The following ABTB2 variants were observed in gnomAD, a reference collection of about 807,000 sequenced individuals.
ABTB2 encodes ankyrin repeat and BTB/POZ domain-containing protein 2.
A neutral mutation model predicts 104.1 loss-of-function variants in ABTB2; 56 were observed. The observed-to-expected ratio is 0.54, with a 90% CI of 0.43 to 0.67. ABTB2 has a LOEUF of 0.67. ABTB2 is among the 30% of genes least tolerant of loss of function. The pLI is 0.00. For missense variants in ABTB2, 1,279 were observed against 1,407.7 expected, an observed-to-expected ratio of 0.91 and a Z score of 1.46; for synonymous variants, 606 against 608.2, an observed-to-expected ratio of 1.00 and a Z score of 0.05.
In ABTB2 at chr11:34,296,497, GA is replaced by G. The variant is rs548726721; in HGVS notation, c.883+60203del. Among the ~76,000 whole-genome samples the G allele has an allele frequency of 1.5e-3, 231 of 152,344 alleles. 1 individual carries two copies. The East Asian group carries it at 0.024, about 16-fold the overall frequency. On this transcript the variant is annotated intron_variant, in intron 1 of 16. Coordinates refer to ENST00000435224, the MANE Select transcript of ABTB2 (RefSeq NM_145804.3). Reference sequence around the variant, plus strand: ...GTCATAAGGCCCAAGGTATAACCCTGAGGGCAGGTAGCTGAAGTCAGATAAA... The same window carrying G: ...GTCATAAGGCCCAAGGTATAACCCTGGGGCAGGTAGCTGAAGTCAGATAAA...
chr11:34,336,029 A>G, intron 1 of ABTB2: 1 of 450,578 alleles, frequency 2.2e-6, no homozygotes, highest in East Asian at 3.8e-5. Context: ...AGTTCACTAA[A>G]TAGCTTTCCT....
intron 3 of ABTB2, among the ~76,000 whole-genome samples, chr11:34,194,276 A>G (rs977849514): frequency 1.3e-5 from 2 of 152,170 alleles, no homozygotes; most frequent in Admixed American, 6.5e-5. Context: ...AGAGCCACCA[A>G]TCCCCAAACA....
At chr11:34,207,598 T>C (rs1230530000) in intron 1 of ABTB2, among the ~76,000 whole-genome samples, 1 of 152,238 alleles carries the variant, frequency 6.6e-6, no homozygotes, top group East Asian at 1.9e-4. Context: ...AGGCTTACTA[T>C]GTGCCAGGCA....
At chr11:34,256,078 C>T (rs192264484) in intron 1 of ABTB2, among the ~76,000 whole-genome samples, 3 of 152,124 alleles carry the variant, frequency 2.0e-5, no homozygotes, top group Admixed American at 2.0e-4. Flanking sequence ...TAGCCCAACA[C>T]CTATTTCTGT....
chr11:34,309,067 C>A (rs1302389716), intron 1 of ABTB2, among the ~76,000 whole-genome samples: 1 of 152,142 alleles, frequency 6.6e-6, no homozygotes, highest in Non-Finnish European at 1.5e-5. Context: ...TCAGCAGAGG[C>A]AGATTTACTA....
chr11:34,166,634 G>A (rs1452754776), intron 7 of ABTB2, among the ~76,000 whole-genome samples: 9 of 152,222 alleles, frequency 5.9e-5, no homozygotes, highest in Admixed American at 3.9e-4. Flanking sequence ...GAAACCCTGC[G>A]CATGCCAGCG....
intron 1 of ABTB2, among the ~76,000 whole-genome samples, chr11:34,277,625 T>A (rs2755159): frequency 6.7e-6 from 1 of 148,632 alleles, no homozygotes; most frequent in African/African-American, 2.4e-5. Flanking sequence ...TCTACAAAAA[T>A]CAAAAATTAG....
chr11:34,222,346 A>G (rs1196820827), intron 1 of ABTB2, among the ~76,000 whole-genome samples: 1 of 152,188 alleles, frequency 6.6e-6, no homozygotes, highest in Non-Finnish European at 1.5e-5. Context: ...AGGTATAGTG[A>G]GGCATGTCCA....
intron 1 of ABTB2, among the ~76,000 whole-genome samples, chr11:34,237,031 G>C (rs896601897): frequency 6.6e-6 from 1 of 152,178 alleles, no homozygotes; most frequent in Admixed American, 6.5e-5. Flanking sequence ...TTATGGAGTC[G>C]TGGCCAAGAG....
chr11:34,218,563 TC>T (rs1212129531), intron 1 of ABTB2, among the ~76,000 whole-genome samples: 1 of 152,158 alleles, frequency 6.6e-6, no homozygotes, highest in African/African-American at 2.4e-5. Context: ...AAAAAGGCTA[TC>T]TTTGGCTGGG....
intron 1 of ABTB2, among the ~76,000 whole-genome samples, chr11:34,334,728 G>A (rs751461285): frequency 8.7e-5 from 13 of 149,566 alleles, no homozygotes; most frequent in Non-Finnish European, 1.8e-4. Flanking sequence ...GGTATTTACT[G>A]TGCCTGTAAT....
At chr11:34,339,317 G>A (rs1047270308) in intron 1 of ABTB2, among the ~76,000 whole-genome samples, 1 of 152,176 alleles carries the variant, frequency 6.6e-6, no homozygotes, top group African/African-American at 2.4e-5. Context: ...AGGGAAAGGG[G>A]AAGAAGTGTG....
Position 34,197,521 on chromosome 11 carries a change from C to G in ABTB2, c.1048G>C (p.Ala350Pro). ...ISELSDLVSR[A>P]MHHMQGRHPL... ...TGACGCCCCTGCATGTGGTGCATGGCACGGGAGACCAAGTCACCTGGTGGG... is the reference window on the plus strand; with the variant it reads ...TGACGCCCCTGCATGTGGTGCATGGGACGGGAGACCAAGTCACCTGGTGGG... Residue 350 changes from alanine (A) to proline (P), a missense_variant, in exon 3 of 17, where the codon GCC (alanine) becomes CCC (proline). Ala to Pro is a conservative substitution (Grantham distance 27). Coordinates refer to ENST00000435224, the MANE Select transcript of ABTB2 (RefSeq NM_145804.3). The G allele has an allele frequency of 6.3e-7, 1 of 1,578,640 alleles. No individual in the cohort carries two copies. Among genetic ancestry groups the G allele is most frequent in the Non-Finnish European group, 8.6e-7 (1 of 1,168,856 alleles).
At chr11:34,335,039 C>A in intron 1 of ABTB2, 2 of 647,472 alleles carry the variant, frequency 3.1e-6, no homozygotes, top group Non-Finnish European at 2.8e-6. Context: ...ATTTTAAAAA[C>A]TTTAGTCTGA....
chr11:34,297,763 T>C (rs1854638862), intron 1 of ABTB2, among the ~76,000 whole-genome samples: 1 of 51,764 alleles, frequency 1.9e-5, no homozygotes, highest in African/African-American at 1.1e-4. Context: ...TGAAACTCCA[T>C]CTCAAAAAAA....
chr11:34,296,435 G>A (rs1040146539), intron 1 of ABTB2, among the ~76,000 whole-genome samples: 5 of 152,164 alleles, frequency 3.3e-5, no homozygotes, highest in Non-Finnish European at 7.3e-5. Context: ...AGAAAAGGAA[G>A]TTTAATAAGA....
intron 1 of ABTB2, among the ~76,000 whole-genome samples, chr11:34,216,200 T>G (rs1242990660): frequency 6.6e-6 from 1 of 152,126 alleles, no homozygotes. Context: ...GAATCCAAAC[T>G]AAGGATCTCT....
chr11:34,191,336 C>T (rs9666645), intron 3 of ABTB2, among the ~76,000 whole-genome samples: 97,060 of 152,124 alleles, frequency 0.64, 33,148 homozygotes, highest in East Asian at 0.96. Flanking sequence ...CTGACACGTT[C>T]GCTGGCTCCA....
chr11:34,292,674 G>C (rs1184690123), intron 1 of ABTB2, among the ~76,000 whole-genome samples: 1 of 152,208 alleles, frequency 6.6e-6, no homozygotes, highest in Admixed American at 6.5e-5. Context: ...GTTGTTGATA[G>C]GAAGAAAAGT....
Sources: allele counts gnomAD v4.1 joint callset (sites outside exome capture counted in the v4.1 genomes callset), GRCh38; gene constraint gnomAD v4.1.1; transcripts MANE v1.5; gene names NCBI Gene and HGNC (gene_info 2026-07-23, HGNC 2026-07-21).